The following CFAP47 variants were observed in gnomAD, a reference collection of about 807,000 sequenced individuals.
The protein encoded by CFAP47 is cilia and flagella associated protein 47.
A neutral mutation model predicts 148.1 loss-of-function variants in CFAP47; 29 were observed. The observed-to-expected ratio is 0.20, with a 90% CI of 0.15 to 0.27. CFAP47 has a LOEUF of 0.27. CFAP47 is among the 10% of genes least tolerant of loss of function. The pLI is 1.00. For synonymous variants in CFAP47, 664 were observed against 577.3 expected, an observed-to-expected ratio of 1.15 and a Z score of -2.15; for missense variants, 1,872 against 1,697.5, an observed-to-expected ratio of 1.10 and a Z score of -1.81.
chrX:36,323,823 T>G (rs1181859253), intron 57 of CFAP47, among the ~76,000 whole-genome samples: 1 of 111,874 alleles, frequency 8.9e-6, no homozygotes, highest in Non-Finnish European at 1.9e-5. Context: ...TGACCTAGAT[T>G]GGAGCTCTAG....
At chrX:36,094,538 C>T (rs1938241086) in intron 30 of CFAP47, among the ~76,000 whole-genome samples, 1 of 110,893 alleles carries the variant, frequency 9.0e-6, no homozygotes, top group African/African-American at 3.3e-5. Flanking sequence ...GTGTCCTCTT[C>T]AACATATTTC....
chrX:36,224,262 AAG>A (rs1491035374), intron 45 of CFAP47, among the ~76,000 whole-genome samples: 2 of 110,915 alleles, frequency 1.8e-5, no homozygotes, highest in African/African-American at 6.6e-5. Context: ...AGGAAAAAAA[AAG>A]AAGTTGAGTT....
intron 49 of CFAP47, among the ~76,000 whole-genome samples, chrX:36,274,365 G>A (rs939342725): frequency 1.6e-4 from 18 of 111,428 alleles, no homozygotes; most frequent in Non-Finnish European, 3.8e-5. Context: ...TACACATTTA[G>A]GACACTCCTT....
rs762111204 is a variant in CFAP47 at position 35,994,290 on chromosome X, C to T, written c.3099+969C>T. Among the ~76,000 whole-genome samples, 4 of 111,501 alleles carry T rather than the reference C, an allele frequency of 3.6e-5. No individual in the cohort carries two copies. In the South Asian group the frequency reaches 1.1e-3, roughly 31 times the overall value. Reference sequence around the variant, plus strand: ...AAAAAAAAGAAAGAAAAATATTACCCTGATATTAGGCACTTCTGTAAGTGA... The same window carrying T: ...AAAAAAAAGAAAGAAAAATATTACCTTGATATTAGGCACTTCTGTAAGTGA... On this transcript the variant is annotated intron_variant, in intron 18 of 63. Transcript: ENST00000378653.
rs185230307 is a variant in CFAP47 at position 36,235,694 on chromosome X, T to C, written c.7015-240T>C. Reference sequence around the variant, plus strand: ...GGTACCTCAGATGGAAATGCAGAAATCACCCGTCTTCTGCATCGCTCACGC... The same window carrying C: ...GGTACCTCAGATGGAAATGCAGAAACCACCCGTCTTCTGCATCGCTCACGC... On this transcript the variant is annotated intron_variant, in intron 46 of 63. Coordinates refer to ENST00000378653, the MANE Select transcript of CFAP47 (RefSeq NM_001304548.2). Among the ~76,000 whole-genome samples the C allele has an allele frequency of 2.7e-5, 3 of 112,302 alleles. No homozygotes were observed. In the Admixed American group the frequency reaches 2.8e-4, roughly 11 times the overall value.
At chrX:36,281,640 TA>T (rs1390456249) in intron 50 of CFAP47, among the ~76,000 whole-genome samples, 1 of 112,569 alleles carries the variant, frequency 8.9e-6, no homozygotes, top group Non-Finnish European at 1.9e-5. Context: ...TTACTCAAAT[TA>T]TACTAATATA....
At chrX:36,336,142 G>T (rs782639477) in intron 57 of CFAP47, among the ~76,000 whole-genome samples, 29 of 108,251 alleles carry the variant, frequency 2.7e-4, no homozygotes, top group Non-Finnish European at 5.4e-4. Flanking sequence ...TAACCCACTT[G>T]TTTCTCATCT....
chrX:36,085,187 A>G (rs1468808280), intron 29 of CFAP47, 127 bp from the exon 30 acceptor site: 3 of 441,285 alleles, frequency 6.8e-6, no homozygotes, highest in Admixed American at 8.0e-5. Context: ...AGTGAAGTGT[A>G]TTATGGAGTT....
At chrX:36,068,661 GA>G (rs762606175) in intron 27 of CFAP47, among the ~76,000 whole-genome samples, 7 of 110,045 alleles carry the variant, frequency 6.4e-5, no homozygotes, top group South Asian at 3.8e-4. Flanking sequence ...AAAATGTAAA[GA>G]TTTTTTTTTT....
intron 61 of CFAP47, chrX:36,365,487 C>G (rs1370046830): frequency 9.0e-6 from 1 of 110,665 alleles, no homozygotes; most frequent in African/African-American, 3.3e-5. Flanking sequence ...TGTTTTAAAA[C>G]CTTTTATTTT....
chrX:36,258,903 T>G (rs1163630072), intron 49 of CFAP47, among the ~76,000 whole-genome samples: 1 of 112,093 alleles, frequency 8.9e-6, no homozygotes, highest in East Asian at 2.8e-4. Context: ...TAAATATTAT[T>G]ATTTTATGCA....
chrX:36,037,188 G>T (rs1937347872), intron 24 of CFAP47, among the ~76,000 whole-genome samples: 1 of 111,649 alleles, frequency 9.0e-6, no homozygotes, highest in South Asian at 3.7e-4. Context: ...TCCTTTATGT[G>T]CCTGTCGACA....
intron 26 of CFAP47, among the ~76,000 whole-genome samples, chrX:36,057,774 C>A (rs865877448): frequency 9.0e-6 from 1 of 111,061 alleles, no homozygotes; most frequent in African/African-American, 3.3e-5. Flanking sequence ...ATTTTGTTTC[C>A]AAATTACTAA....
At chrX:36,245,534 T>C (rs1254545772) in intron 48 of CFAP47, among the ~76,000 whole-genome samples, 1 of 111,879 alleles carries the variant, frequency 8.9e-6, no homozygotes. Context: ...AGCATTTCTA[T>C]CCACCAGCAA....
chrX:36,229,272 G>A (rs1940308729), intron 46 of CFAP47, among the ~76,000 whole-genome samples: 1 of 111,747 alleles, frequency 8.9e-6, no homozygotes, highest in Admixed American at 9.5e-5. Context: ...GCTTTTTAGA[G>A]GGATAAATTG....
intron 8 of CFAP47, among the ~76,000 whole-genome samples, chrX:35,957,307 G>T (rs1936262108): frequency 9.1e-6 from 1 of 110,305 alleles, no homozygotes; most frequent in Non-Finnish European, 1.9e-5. Flanking sequence ...GAAAGGGTTT[G>T]CTGAACCCTG....
At chrX:36,131,865 A>C (rs1381415948) in intron 33 of CFAP47, among the ~76,000 whole-genome samples, 1 of 111,142 alleles carries the variant, frequency 9.0e-6, no homozygotes, top group Non-Finnish European at 1.9e-5. Flanking sequence ...GAGAAATGAG[A>C]AGTGACAATT....
chrX:36,288,585 T>G (rs112802854), intron 51 of CFAP47, among the ~76,000 whole-genome samples: 1 of 112,635 alleles, frequency 8.9e-6, no homozygotes, highest in Non-Finnish European at 1.9e-5. Flanking sequence ...ATTTATTTCT[T>G]TCTGAGCTTT....
At chrX:36,323,349 T>C (rs181470636) in intron 57 of CFAP47, among the ~76,000 whole-genome samples, 734 of 109,905 alleles carry the variant, frequency 6.7e-3, no homozygotes, top group South Asian at 0.023. Flanking sequence ...CTTTTTTTTT[T>C]TCTCTCTCTC....
Sources: gnomAD v4.1 joint callset for allele counts (sites outside exome capture counted in the v4.1 genomes callset) on GRCh38, gnomAD v4.1.1 for gene constraint, MANE v1.5 for transcripts, NCBI Gene and HGNC (gene_info 2026-07-23, HGNC 2026-07-21) for gene names.